The following OR8D1 variants were observed in gnomAD, a reference collection of about 807,000 sequenced individuals.
OR8D1 encodes olfactory receptor 8D1.
For missense variants in OR8D1, 384 were observed against 366.8 expected, an observed-to-expected ratio of 1.05 and a Z score of -0.38; for synonymous variants, 143 against 147.0, an observed-to-expected ratio of 0.97 and a Z score of 0.20.
In OR8D1 at chr11:124,303,721, CCT is replaced by C. The variant is rs1399222739; in HGVS notation, c.*6117_*6118del. 11 of 151,796 alleles carry C rather than the reference CCT, an allele frequency of 7.2e-5. No homozygotes were observed. The highest frequency in any genetic ancestry group is 1.6e-4 in the Non-Finnish European group (11 of 67,926). The allele number at this position is 151,796 out of a possible 1,614,324, so 9.4% of individuals were successfully genotyped here. ...TTATGCTCACTTGAAGTCATAAAGT[CCT>C]CTGTTTTCTTATTTTTATATTATAA... On this transcript the variant is annotated 3_prime_UTR_variant, in exon 3 of 3. Transcript: ENST00000641015.
Position 124,309,842 on chromosome 11 carries a change from A to AT in OR8D1, c.924dup (p.Ter309MetfsTer9). Reference sequence around the variant, plus strand: ...CTATAAATCCCCCAAATCAGGACTCATTTTCCTACTAAGACCTTCCTTAAT... The same window carrying AT: ...CTATAAATCCCCCAAATCAGGACTCATTTTTCCTACTAAGACCTTCCTTAAT... On this transcript the variant is annotated frameshift_variant, in exon 3 of 3. Coordinates refer to ENST00000641015, the MANE Select transcript of OR8D1 (RefSeq NM_001002917.2). LOFTEE classifies it high-confidence loss of function. 1 of 1,430,594 alleles carries AT rather than the reference A, an allele frequency of 7.0e-7. No homozygotes were observed. The highest frequency in any genetic ancestry group is 9.2e-7 in the Non-Finnish European group (1 of 1,086,764). 88.6% of individuals were successfully genotyped at this position (1,430,594 alleles called of 1,614,324 possible).
rs946536236 is a variant in OR8D1 at position 124,306,257 on chromosome 11, G to A, written c.*3583C>T. On this transcript the variant is annotated 3_prime_UTR_variant, in exon 3 of 3. Transcript: ENST00000641015. ...GTTATCTATATATATTATCATTCTTGTTTACCTCACCTTTAAGATTTATTA... is the reference window on the plus strand; with the variant it reads ...GTTATCTATATATATTATCATTCTTATTTACCTCACCTTTAAGATTTATTA... 6.6e-6 allele frequency: 1 copy of A among 150,736 alleles called. No homozygotes were observed. The highest frequency in any genetic ancestry group is 2.1e-4 in the South Asian group (1 of 4,800). 9.3% of individuals were successfully genotyped at this position (150,736 alleles called of 1,614,324 possible). A position where few individuals can be genotyped will look rare whatever the true frequency, so the allele number is the denominator to read the frequency against.
intron 1 of OR8D1, 47 bp from the exon 2 acceptor site, chr11:124,311,723 A>T (rs1269830830): frequency 6.6e-6 from 1 of 152,202 alleles, no homozygotes; most frequent in South Asian, 2.1e-4. Context: ...TCCCAGAAGA[A>T]GCACTAGAAT....
At position 124,306,754 on chromosome 11, in the gene OR8D1, A is replaced by G. The variant is rs985888818; in HGVS notation, c.*3086T>C. On this transcript the variant is annotated 3_prime_UTR_variant, in exon 3 of 3. Coordinates refer to ENST00000641015, the MANE Select transcript of OR8D1 (RefSeq NM_001002917.2). ...TTAACTGATTGGAATCTGTTTTTCTAAATCCTAGGGTATATGTAGGAAGAA... is the reference window on the plus strand; with the variant it reads ...TTAACTGATTGGAATCTGTTTTTCTGAATCCTAGGGTATATGTAGGAAGAA... 1 of 151,870 alleles carries G rather than the reference A, an allele frequency of 6.6e-6. No homozygotes were observed. The highest frequency in any genetic ancestry group is 2.4e-5 in the African/African-American group (1 of 41,364). The allele number at this position is 151,870 out of a possible 1,614,324, so 9.4% of individuals were successfully genotyped here.
Position 124,310,105 on chromosome 11 carries a change from A to G in OR8D1, c.662T>C (p.Ile221Thr), listed in dbSNP as rs560413569. ...TLAVAVSYAFILYSILHIRSS... is the reference protein window; with the variant it reads ...TLAVAVSYAFTLYSILHIRSS... ...GCGGATGTGAAGGATGCTGTAGAGG[A>G]TGAAGGCATAGGAGACAGCAACAGC... Residue 221 changes from isoleucine (I) to threonine (T), a missense_variant, in exon 3 of 3, where the codon ATC becomes ACC. Ile to Thr is a moderately conservative substitution (Grantham distance 89). Transcript: ENST00000641015. 1.3e-5 allele frequency: 21 copies of G among 1,613,758 alleles called. No homozygotes were observed. The African/African-American group carries it at 2.8e-4, about 22-fold the overall frequency.
At position 124,306,326 on chromosome 11, in the gene OR8D1, T is replaced by C. The variant is rs1002372831; in HGVS notation, c.*3514A>G. ...CACAGGTAAATAAGTATATGACTTATTTTATTTGAATTTTTATTTTTAGTA... is the reference window on the plus strand; with the variant it reads ...CACAGGTAAATAAGTATATGACTTACTTTATTTGAATTTTTATTTTTAGTA... On this transcript the variant is annotated 3_prime_UTR_variant, in exon 3 of 3. Coordinates refer to ENST00000641015, the MANE Select transcript of OR8D1 (RefSeq NM_001002917.2). 1 of 149,916 alleles carries C rather than the reference T, an allele frequency of 6.7e-6. No homozygotes were observed. The highest frequency in any genetic ancestry group is 1.5e-5 in the Non-Finnish European group (1 of 67,512). The allele number at this position is 149,916 out of a possible 1,614,324, so 9.3% of individuals were successfully genotyped here.
rs1045985902 is a variant in OR8D1 at position 124,303,136 on chromosome 11, C to G, written c.*6704G>C. The G allele has an allele frequency of 6.6e-6, 1 of 152,354 alleles. No individual in the cohort carries two copies. The highest frequency in any genetic ancestry group is 6.6e-5 in the Admixed American group (1 of 15,224). The allele number at this position is 152,354 out of a possible 1,614,324, so 9.4% of individuals were successfully genotyped here. A position where few individuals can be genotyped will look rare whatever the true frequency, so the allele number is the denominator to read the frequency against. ...TCACAGTTCTACATGGCTGGGGAAGCCTCAGGAAACTTACAATCATAGCAG... is the reference window on the plus strand; with the variant it reads ...TCACAGTTCTACATGGCTGGGGAAGGCTCAGGAAACTTACAATCATAGCAG... On this transcript the variant is annotated 3_prime_UTR_variant, in exon 3 of 3. Coordinates refer to ENST00000641015, the MANE Select transcript of OR8D1 (RefSeq NM_001002917.2).
intron 2 of OR8D1, among the ~76,000 whole-genome samples, chr11:124,311,204 G>A (rs1412673655): frequency 1.3e-5 from 2 of 152,116 alleles, no homozygotes; most frequent in African/African-American, 4.8e-5. Context: ...AGAGGATGAC[G>A]CCTCAGCCTC....
At position 124,310,157 on chromosome 11, in the gene OR8D1, C is replaced by T. The variant is rs754548110; in HGVS notation, c.610G>A (p.Gly204Arg). Residue 204 changes from glycine (G) to arginine (R), a missense_variant, in exon 3 of 3, where the codon GGG (glycine) becomes AGG (arginine). Physicochemically the swap from Gly to Arg is moderately radical, Grantham distance 125 (BLOSUM62 -2). Transcript: ENST00000641015. ...LNELLLFIIAGFNTLVPTLAV... is the reference protein window; with the variant it reads ...LNELLLFIIARFNTLVPTLAV... ...AGGGTGGGCACCAAGGTGTTAAACCCCGCAATGATAAAAAGTAGAAGCTCA... is the reference window on the plus strand; with the variant it reads ...AGGGTGGGCACCAAGGTGTTAAACCTCGCAATGATAAAAAGTAGAAGCTCA... 11 of 1,613,540 alleles carry T rather than the reference C, an allele frequency of 6.8e-6. No individual in the cohort carries two copies. Among genetic ancestry groups the T allele is most frequent in the Non-Finnish European group, 9.3e-6 (11 of 1,179,874 alleles).
chr11:124,313,284 AAG>A (rs1862438776), intron 1 of OR8D1, among the ~76,000 whole-genome samples: 1 of 150,464 alleles, frequency 6.6e-6, no homozygotes, highest in African/African-American at 2.5e-5. Flanking sequence ...GAGAGAGAGA[AAG>A]AAAAAAGGAA....
Position 124,309,294 on chromosome 11 carries a change from G to A in OR8D1, c.*546C>T, listed in dbSNP as rs1026358258. ...GAGTAGAAAAAAAAATAGTAAAAGC[G>A]ATTCGAATAAGACCTGCTGACTAGA... is the stretch of plus-strand genomic sequence containing the variant. On this transcript the variant is annotated 3_prime_UTR_variant, in exon 3 of 3. Transcript: ENST00000641015. The A allele has an allele frequency of 1.3e-5, 2 of 151,854 alleles. No homozygotes were observed. Among genetic ancestry groups the A allele is most frequent in the East Asian group, 1.9e-4 (1 of 5,178 alleles). The allele number at this position is 151,854 out of a possible 1,614,324, so 9.4% of individuals were successfully genotyped here.
intron 1 of OR8D1, among the ~76,000 whole-genome samples, chr11:124,312,499 C>T (rs1158403022): frequency 6.7e-6 from 1 of 149,428 alleles, no homozygotes; most frequent in Non-Finnish European, 1.5e-5. Flanking sequence ...GACCTCAGAA[C>T]ATTTTTCTTT....
At position 124,302,899 on chromosome 11, in the gene OR8D1, C is replaced by T. The variant is rs1862336673; in HGVS notation, c.*6941G>A. 6.6e-6 allele frequency: 1 copy of T among 152,050 alleles called. No individual in the cohort carries two copies. The highest frequency in any genetic ancestry group is 2.4e-5 in the African/African-American group (1 of 41,432). 9.4% of individuals were successfully genotyped at this position (152,050 alleles called of 1,614,324 possible). A position where few individuals can be genotyped will look rare whatever the true frequency, so the allele number is the denominator to read the frequency against. ...GAATTGGAGTAGTGTGATTTCTTTA[C>T]AAATGAGTATATGCAGGAATGCAGT... On this transcript the variant is annotated 3_prime_UTR_variant, in exon 3 of 3. Transcript: ENST00000641015.
Position 124,306,404 on chromosome 11 carries a change from TAA to T in OR8D1, c.*3434_*3435del, listed in dbSNP as rs1862369301. The T allele has an allele frequency of 1.3e-5, 2 of 148,720 alleles. No homozygotes were observed. Among genetic ancestry groups the T allele is most frequent in the South Asian group, 4.2e-4 (2 of 4,782 alleles). 9.2% of individuals were successfully genotyped at this position (148,720 alleles called of 1,614,324 possible). Reference sequence around the variant, plus strand: ...ATATATATAATGAATATTATATATATAATATTCATATAATATTCACAGTGAAA... The same window carrying T: ...ATATATATAATGAATATTATATATATTATTCATATAATATTCACAGTGAAA... On this transcript the variant is annotated 3_prime_UTR_variant, in exon 3 of 3. Transcript: ENST00000641015.
At chr11:124,311,105 T>C (rs1862417494) in intron 2 of OR8D1, among the ~76,000 whole-genome samples, 1 of 152,146 alleles carries the variant, frequency 6.6e-6, no homozygotes, top group South Asian at 2.1e-4. Context: ...TAGAAGAGAT[T>C]GAAGGAAGAT....
rs1862346738 is a variant in OR8D1, at chr11:124,304,110, T to A, written c.*5730A>T. 6.6e-6 allele frequency: 1 copy of A among 152,040 alleles called. No homozygotes were observed. The highest frequency in any genetic ancestry group is 1.5e-5 in the Non-Finnish European group (1 of 67,952). 9.4% of individuals were successfully genotyped at this position (152,040 alleles called of 1,614,324 possible). Reference sequence around the variant, plus strand: ...AACTCTAAACTATTTGTTATCTGGTTTTTTAGAGAAAACATGTCAGTCTCT... The same window carrying A: ...AACTCTAAACTATTTGTTATCTGGTATTTTAGAGAAAACATGTCAGTCTCT... On this transcript the variant is annotated 3_prime_UTR_variant, in exon 3 of 3. Coordinates refer to ENST00000641015, the MANE Select transcript of OR8D1 (RefSeq NM_001002917.2).
chr11:124,309,861 C>T lies in OR8D1; in HGVS notation c.906G>A (p.Arg302=). The T allele has an allele frequency of 1.4e-6, 2 of 1,472,342 alleles. No homozygotes were observed. The highest frequency in any genetic ancestry group is 1.8e-6 in the Non-Finnish European group (2 of 1,109,466). The allele number at this position is 1,472,342 out of a possible 1,614,324, so 91.2% of individuals were successfully genotyped here. A position where few individuals can be genotyped will look rare whatever the true frequency, so the allele number is the denominator to read the frequency against. ...LRNKDVKKAL[R]KVLVGK ...GGACTCATTTTCCTACTAAGACCTT[C>T]CTTAATGCTTTCTTCACATCCTTAT... Residue 302 remains arginine (R), a synonymous_variant, in exon 3 of 3, where the codon AGG becomes AGA. Coordinates refer to ENST00000641015, the MANE Select transcript of OR8D1 (RefSeq NM_001002917.2).
At position 124,303,950 on chromosome 11, in the gene OR8D1, G is replaced by T. The variant is rs992416248; in HGVS notation, c.*5890C>A. The T allele has an allele frequency of 6.6e-6, 1 of 151,508 alleles. No homozygotes were observed. Among genetic ancestry groups the T allele is most frequent in the African/African-American group, 2.4e-5 (1 of 41,262 alleles). 9.4% of individuals were successfully genotyped at this position (151,508 alleles called of 1,614,324 possible). On this transcript the variant is annotated 3_prime_UTR_variant, in exon 3 of 3. Transcript: ENST00000641015. The stretch of plus-strand genomic sequence containing the variant: ...ATATCACTTTTTACATTTTTAAATG[G>T]TTGAAAAAAATCAAAATAAAATTAC...
rs777127612 is a variant in OR8D1, at chr11:124,310,802, G to T, written c.-16-20C>A. On this transcript the variant is annotated intron_variant, in intron 2 of 2. Transcript: ENST00000641015. The stretch of plus-strand genomic sequence containing the variant: ...GCATTTCTGTGAAAATAGAAAGTAT[G>T]AATTACCTTAACATGGACCCTCACT... The T allele has an allele frequency of 6.5e-7, 1 of 1,527,482 alleles. No individual in the cohort carries two copies. Among genetic ancestry groups the T allele is most frequent in the Non-Finnish European group, 9.0e-7 (1 of 1,117,270 alleles). The allele number at this position is 1,527,482 out of a possible 1,614,324, so 94.6% of individuals were successfully genotyped here.
Sources: gnomAD v4.1 joint callset for allele counts (sites outside exome capture counted in the v4.1 genomes callset) on GRCh38, gnomAD v4.1.1 for gene constraint, MANE v1.5 for transcripts, NCBI Gene and HGNC (gene_info 2026-07-23, HGNC 2026-07-21) for gene names.